Variants in TXNRD1 observed in about 807,000 individuals in gnomAD.
The protein encoded by TXNRD1 is thioredoxin reductase 1, cytoplasmic.
In TXNRD1, 57 loss-of-function variants were observed where a neutral mutation model predicts 80.3. The ratio of observed to expected loss-of-function variants is 0.71; its 90% CI spans 0.57 to 0.89. TXNRD1 has a LOEUF of 0.89. TXNRD1 is among the 40% of genes least tolerant of loss of function. The pLI, the probability that TXNRD1 is intolerant of heterozygous loss-of-function variation, is 0.00. For synonymous variants in TXNRD1, 291 were observed against 285.2 expected (o/e 1.02, Z -0.20); for missense variants, 730 against 803.0 (o/e 0.91, Z 1.10).
At chr12:104,245,991 T>C (rs550988265) in intron 1 of TXNRD1, among the ~76,000 whole-genome samples, 1 of 150,914 alleles carries the variant, frequency 6.6e-6, no homozygotes, top group Admixed American at 6.6e-5. Flanking sequence ...CGGGCTCCTG[T>C]AGTCCCAGCT....
chr12:104,301,290 G>A (rs1593784928), intron 4 of TXNRD1, among the ~76,000 whole-genome samples: 2 of 152,308 alleles, frequency 1.3e-5, no homozygotes, highest in South Asian at 4.2e-4. Context: ...AGGCACCATA[G>A]GGTGGGAAGG....
chr12:104,333,864 C>T (rs2036044223), intron 14 of TXNRD1, among the ~76,000 whole-genome samples: 1 of 152,126 alleles, frequency 6.6e-6, no homozygotes. Flanking sequence ...TTATTTGTTT[C>T]TTGCCCAAGT....
At chr12:104,266,651 T>A (rs1253664005) in intron 3 of TXNRD1, among the ~76,000 whole-genome samples, 1 of 146,722 alleles carries the variant, frequency 6.8e-6, no homozygotes, top group East Asian at 2.0e-4. Flanking sequence ...GCTAACACGG[T>A]GAAACCCTGT....
chr12:104,292,805 T>C (rs1327655675), intron 4 of TXNRD1, among the ~76,000 whole-genome samples: 1 of 152,206 alleles, frequency 6.6e-6, no homozygotes, highest in Non-Finnish European at 1.5e-5. Context: ...TTGATCAAGA[T>C]CATTTGATGA....
At chr12:104,283,842 C>A (rs1283374093) in intron 3 of TXNRD1, among the ~76,000 whole-genome samples, 1 of 151,990 alleles carries the variant, frequency 6.6e-6, no homozygotes, top group Non-Finnish European at 1.5e-5. Flanking sequence ...TGCCCTCCAG[C>A]CAGGGCAACA....
At chr12:104,343,791 C>T (rs1016278008) in intron 16 of TXNRD1, among the ~76,000 whole-genome samples, 93 of 119,848 alleles carry the variant, frequency 7.8e-4, no homozygotes, top group African/African-American at 3.0e-3. Flanking sequence ...ACAGTGAGAC[C>T]CTGTCTCAAA....
Position 104,348,701 on chromosome 12 carries a change from G to A in TXNRD1, c.*280G>A. 2.5e-6 allele frequency: 1 copy of A among 399,350 alleles called. No homozygotes were observed. Among genetic ancestry groups the A allele is most frequent in the East Asian group, 4.1e-5 (1 of 24,620 alleles). The allele number at this position is 399,350 out of a possible 1,614,324, so 24.7% of individuals were successfully genotyped here. ...CAGTCTCAAGCCCATGTGGTAGGCG[G>A]TGATGGAACAACTGTCAAATCAGTT... On this transcript the variant is annotated 3_prime_UTR_variant, in exon 17 of 17. Transcript: ENST00000525566.
At chr12:104,246,042 G>A (rs2032980295) in intron 1 of TXNRD1, among the ~76,000 whole-genome samples, 1 of 150,818 alleles carries the variant, frequency 6.6e-6, no homozygotes, top group Admixed American at 6.6e-5. Context: ...GAACTCGGGA[G>A]GCGGAGCTTG....
chr12:104,272,035 C>T lies in TXNRD1; in HGVS notation c.304+13956C>T, dbSNP rs570417727. 3.3e-5 allele frequency among the ~76,000 whole-genome samples: 5 copies of T among 152,178 alleles called. No homozygotes were observed. The East Asian group carries it at 7.7e-4, about 23-fold the overall frequency. ...TACAAAAATTAGCCAGGCATGGTGG[C>T]GAGTGCCTGTAATCCCAGCTACTCT... On this transcript the variant is annotated intron_variant, in intron 3 of 16. Coordinates refer to ENST00000525566, the MANE Select transcript of TXNRD1 (RefSeq NM_001093771.3).
chr12:104,290,978 C>CT (rs374200545), intron 4 of TXNRD1: 28 of 652,546 alleles, frequency 4.3e-5, no homozygotes, highest in Middle Eastern at 2.5e-4. Flanking sequence ...TAATTGAAAA[C>CT]TTTTTTTTCT....
intron 4 of TXNRD1, among the ~76,000 whole-genome samples, chr12:104,301,415 GCA>G: frequency 6.6e-6 from 1 of 152,246 alleles, no homozygotes; most frequent in Non-Finnish European, 1.5e-5. Context: ...TTGGCTCACT[GCA>G]AGCTCCGTCT....
At chr12:104,246,876 A>G (rs956338792) in intron 1 of TXNRD1, among the ~76,000 whole-genome samples, 7 of 152,046 alleles carry the variant, frequency 4.6e-5, no homozygotes, top group African/African-American at 1.4e-4. Flanking sequence ...TTTCTGGTCT[A>G]TCTAATCTCT....
At chr12:104,267,945 G>C (rs2033569854) in intron 3 of TXNRD1, among the ~76,000 whole-genome samples, 1 of 150,428 alleles carries the variant, frequency 6.6e-6, no homozygotes, top group African/African-American at 2.4e-5. Context: ...CATCTCCCGG[G>C]TTCAAACAAT....
intron 3 of TXNRD1, among the ~76,000 whole-genome samples, chr12:104,273,223 G>A (rs944660403): frequency 1.3e-4 from 20 of 152,232 alleles, no homozygotes; most frequent in South Asian, 4.1e-4. Flanking sequence ...GGCAGCCCAC[G>A]GCAAAGGTTT....
intron 13 of TXNRD1, 88 bp from the exon 14 acceptor site, chr12:104,331,446 T>G (rs1176043826): frequency 2.6e-6 from 2 of 759,232 alleles, no homozygotes; most frequent in Non-Finnish European, 4.3e-6. Context: ...TACTCTTATA[T>G]CCTTTGTCAA....
At chr12:104,304,631 C>A in intron 4 of TXNRD1, 1 of 1,613,866 alleles carries the variant, frequency 6.2e-7, no homozygotes, top group Non-Finnish European at 8.5e-7. Flanking sequence ...AACCTACTTT[C>A]GAAAGTATCC....
In TXNRD1 at chr12:104,326,345, A is replaced by T; in HGVS notation, c.1309-2A>T. On this transcript the variant is annotated splice_acceptor_variant, in intron 11 of 16. Transcript: ENST00000525566. LOFTEE classifies it high-confidence loss of function. ...GTCACTAATATATTAATAATTTTTC[A>T]GGTGATGCTGGCAATAGGAAGAGAT... 2 of 1,576,766 alleles carry T rather than the reference A, an allele frequency of 1.3e-6. No individual in the cohort carries two copies. Among genetic ancestry groups the T allele is most frequent in the Non-Finnish European group, 1.7e-6 (2 of 1,163,536 alleles).
intron 4 of TXNRD1, among the ~76,000 whole-genome samples, chr12:104,302,229 CTT>C (rs2034654954): frequency 6.6e-6 from 1 of 152,094 alleles, no homozygotes; most frequent in African/African-American, 2.4e-5. Flanking sequence ...TTTGGAGTAA[CTT>C]AATACTACTA....
At chr12:104,256,792 GAAAA>G (rs2033260572) in intron 2 of TXNRD1, among the ~76,000 whole-genome samples, 1 of 106,516 alleles carries the variant, frequency 9.4e-6, no homozygotes, top group African/African-American at 3.7e-5. Flanking sequence ...AAAAAAAAAA[GAAAA>G]AGAAAAAGAA....
Sources: gnomAD v4.1 joint callset for allele counts (sites outside exome capture counted in the v4.1 genomes callset) on GRCh38, gnomAD v4.1.1 for gene constraint, MANE v1.5 for transcripts, NCBI Gene and HGNC (gene_info 2026-07-23, HGNC 2026-07-21) for gene names.